MAP2: variants seen among roughly 807,000 people sequenced by gnomAD.
The protein encoded by MAP2 is microtubule associated protein 2, also known as microtubule-associated protein 2.
In MAP2, 14 loss-of-function variants were observed where a neutral mutation model predicts 137.6. That is an observed-to-expected ratio of 0.10 (90% CI 0.07 to 0.16). MAP2 has a LOEUF of 0.16. Ranked by LOEUF, MAP2 falls within the 10% of genes least tolerant of loss-of-function variation. The probability of loss-of-function intolerance (pLI) is 1.00; values close to 1 mark genes in which losing one functional copy is unlikely to be tolerated. For synonymous variants in MAP2, 786 were observed against 782.3 expected (o/e 1.00, Z -0.08); for missense variants, 2,088 against 2,191.5 (o/e 0.95, Z 0.94).
intron 1 of MAP2, among the ~76,000 whole-genome samples, chr2:209,500,482 G>C (rs2060244367): frequency 6.6e-6 from 1 of 152,044 alleles, no homozygotes; most frequent in African/African-American, 2.4e-5. Flanking sequence ...CCTCCTTCAA[G>C]GGCTAACTCA....
chr2:209,495,086 G>A (rs532116108), intron 1 of MAP2, among the ~76,000 whole-genome samples: 15 of 152,334 alleles, frequency 9.8e-5, no homozygotes, highest in African/African-American at 2.2e-4. Flanking sequence ...TGGACTGGGC[G>A]GAGCCCAGCA....
intron 2 of MAP2, among the ~76,000 whole-genome samples, chr2:209,575,674 C>T (rs1394292145): frequency 1.3e-5 from 2 of 151,872 alleles, no homozygotes; most frequent in African/African-American, 4.8e-5. Flanking sequence ...TCCAATTCAT[C>T]CACTAGTGTG....
chr2:209,573,430 A>G (rs1467545009), intron 2 of MAP2, among the ~76,000 whole-genome samples: 1 of 149,760 alleles, frequency 6.7e-6, no homozygotes. Context: ...AGTAGCTGGG[A>G]TTACAGGTGT....
chr2:209,554,855 G>A (rs111691995), intron 2 of MAP2, among the ~76,000 whole-genome samples: 2,951 of 148,634 alleles, frequency 0.02, 93 homozygotes, highest in African/African-American at 0.068. Context: ...TAAATACACA[G>A]TAACTATCTG....
chr2:209,729,712 T>G, intron 14 of MAP2, 138 bp from the exon 15 acceptor site: 2 of 611,718 alleles, frequency 3.3e-6, no homozygotes, highest in South Asian at 4.0e-5. Flanking sequence ...TAAAAGACTC[T>G]TTTTACATAT....
chr2:209,437,749 C>A (rs1696696730), intron 1 of MAP2, among the ~76,000 whole-genome samples: 1 of 151,566 alleles, frequency 6.6e-6, no homozygotes, highest in Admixed American at 6.6e-5. Flanking sequence ...CAATATTCTT[C>A]TTTAAAAATT....
chr2:209,722,829 G>T (rs970139894), intron 13 of MAP2, among the ~76,000 whole-genome samples: 2 of 152,118 alleles, frequency 1.3e-5, no homozygotes, highest in Non-Finnish European at 2.9e-5. Context: ...CTCAATCAAG[G>T]CCTGACCTAT....
At chr2:209,528,840 ATATATATGTGTGTG>A (rs1436416898) in intron 2 of MAP2, among the ~76,000 whole-genome samples, 1 of 150,340 alleles carries the variant, frequency 6.7e-6, no homozygotes, top group Non-Finnish European at 1.5e-5. Context: ...ATATGTATGT[ATATATATGTGTGTG>A]TGTATATGTG....
chr2:209,470,892 A>T (rs564734715), intron 1 of MAP2, among the ~76,000 whole-genome samples: 8 of 152,190 alleles, frequency 5.3e-5, no homozygotes, highest in African/African-American at 1.7e-4. Context: ...GCTTTTGACA[A>T]TGACTTACTG....
chr2:209,661,458 G>A, intron 5 of MAP2: 1 of 961,666 alleles, frequency 1.0e-6, no homozygotes, highest in Non-Finnish European at 1.2e-6. Context: ...ATTTCCCTGA[G>A]CTCCGCAGAG....
At chr2:209,434,539 C>T (rs1020923752) in intron 1 of MAP2, among the ~76,000 whole-genome samples, 3 of 151,586 alleles carry the variant, frequency 2.0e-5, no homozygotes, top group Non-Finnish European at 4.4e-5. Flanking sequence ...CTTGCAGTTA[C>T]TGAAATGTTA....
At chr2:209,465,420 A>T (rs553228291) in intron 1 of MAP2, among the ~76,000 whole-genome samples, 6 of 124,848 alleles carry the variant, frequency 4.8e-5, no homozygotes, top group African/African-American at 1.5e-4. Flanking sequence ...ATTGCATATA[A>T]CATAACTTTT....
intron 11 of MAP2, chr2:209,704,316 G>C (rs184555279): frequency 1.4e-6 from 1 of 704,732 alleles, no homozygotes; most frequent in East Asian, 2.8e-5. Flanking sequence ...CTCTATCATT[G>C]ATTATAACCA....
intron 2 of MAP2, among the ~76,000 whole-genome samples, chr2:209,532,049 G>A (rs2065186535): frequency 6.6e-6 from 1 of 151,910 alleles, no homozygotes; most frequent in Non-Finnish European, 1.5e-5. Context: ...GACCAGCTTG[G>A]GCAATATAGT....
At chr2:209,690,730 T>C in intron 7 of MAP2, 1 of 1,289,796 alleles carries the variant, frequency 7.8e-7, no homozygotes, top group Non-Finnish European at 1.0e-6. Flanking sequence ...TGGAGTCTAG[T>C]GCGGAGGCCC....
intron 2 of MAP2, among the ~76,000 whole-genome samples, chr2:209,554,134 C>T (rs915369425): frequency 6.6e-6 from 1 of 152,148 alleles, no homozygotes; most frequent in African/African-American, 2.4e-5. Flanking sequence ...CAGGAGATGA[C>T]CTTTTAGCTC....
chr2:209,602,865 C>T (rs961148663), intron 3 of MAP2, among the ~76,000 whole-genome samples: 1 of 152,138 alleles, frequency 6.6e-6, no homozygotes, highest in African/African-American at 2.4e-5. Context: ...GGTTTCAGAG[C>T]TTGTACTGTT....
intron 7 of MAP2, among the ~76,000 whole-genome samples, chr2:209,686,918 A>AGAGTCG (rs2057223602): frequency 6.6e-6 from 1 of 152,150 alleles, no homozygotes; most frequent in Non-Finnish European, 1.5e-5. Flanking sequence ...ATCTCTGCTA[A>AGAGTCG]GCTTTCAGAA....
chr2:209,471,901 T>C (rs1705821908), intron 1 of MAP2, among the ~76,000 whole-genome samples: 2 of 152,100 alleles, frequency 1.3e-5, no homozygotes, highest in African/African-American at 4.8e-5. Flanking sequence ...AAATGAGATA[T>C]TGTATTTTTG....
Sources: allele counts gnomAD v4.1 joint callset (sites outside exome capture counted in the v4.1 genomes callset), GRCh38; gene constraint gnomAD v4.1.1; transcripts MANE v1.5; gene names NCBI Gene and HGNC (gene_info 2026-07-23, HGNC 2026-07-21).